Variants in COL24A1 observed in about 807,000 individuals in gnomAD.
COL24A1 encodes the protein collagen alpha-1(XXIV) chain.
A neutral mutation model predicts 253.9 loss-of-function variants in COL24A1; 224 were observed. That is an observed-to-expected ratio of 0.88 (90% CI 0.79 to 0.99). The LOEUF is 0.99. Ranked by LOEUF, COL24A1 falls within the 50% of genes least tolerant of loss-of-function variation. The pLI is 0.00. For missense variants in COL24A1, 2,131 were observed against 2,068.5 expected (o/e 1.03, Z -0.59); for synonymous variants, 685 against 673.7 (o/e 1.02, Z -0.26).
intron 28 of COL24A1, among the ~76,000 whole-genome samples, chr1:85,900,287 G>T (rs1684148514): frequency 6.6e-6 from 1 of 152,084 alleles, no homozygotes; most frequent in Admixed American, 6.6e-5. Context: ...AGGCTAAATA[G>T]CCAAAGTAAT....
intron 43 of COL24A1, among the ~76,000 whole-genome samples, chr1:85,835,649 G>A (rs1161040574): frequency 6.6e-6 from 1 of 152,052 alleles, no homozygotes; most frequent in Non-Finnish European, 1.5e-5. Flanking sequence ...CACTGTGCCA[G>A]ACACAAAAGG....
At chr1:86,036,640 C>A (rs549038932) in intron 12 of COL24A1, among the ~76,000 whole-genome samples, 1 of 152,164 alleles carries the variant, frequency 6.6e-6, no homozygotes, top group East Asian at 1.9e-4. Context: ...GTTCTATATT[C>A]TTTTAATCAT....
chr1:86,063,383 T>G (rs12723246), intron 8 of COL24A1, among the ~76,000 whole-genome samples: 14,128 of 144,302 alleles, frequency 0.098, 776 homozygotes, highest in Middle Eastern at 0.22. Flanking sequence ...GTGTGTGTGT[T>G]TGTATGTGTA....
intron 52 of COL24A1, 100 bp downstream of exon 52, chr1:85,781,120 T>C (rs930346577): frequency 3.3e-5 from 29 of 874,828 alleles, no homozygotes; most frequent in Non-Finnish European, 4.1e-5. Context: ...ATTTTTTCCA[T>C]TTTCTTCTCA....
At chr1:86,091,517 A>G (rs182134609) in intron 6 of COL24A1, among the ~76,000 whole-genome samples, 3 of 152,206 alleles carry the variant, frequency 2.0e-5, no homozygotes, top group South Asian at 4.1e-4. Context: ...AACACATCCC[A>G]TAATTATATT....
chr1:85,992,068 T>C (rs61783481), intron 19 of COL24A1, among the ~76,000 whole-genome samples: 54,404 of 150,742 alleles, frequency 0.36, 11,173 homozygotes, highest in Non-Finnish European at 0.46. Context: ...GCTATCCCTC[T>C]CCACTCCCCC....
At chr1:85,748,573 C>T (rs922643238) in intron 55 of COL24A1, among the ~76,000 whole-genome samples, 2 of 151,588 alleles carry the variant, frequency 1.3e-5, no homozygotes, top group African/African-American at 4.8e-5. Flanking sequence ...CAGCTCCCAG[C>T]GTGAGCCACG....
chr1:85,838,178 A>G (rs1676221071), intron 43 of COL24A1, among the ~76,000 whole-genome samples: 1 of 121,026 alleles, frequency 8.3e-6, no homozygotes, highest in African/African-American at 3.5e-5. Context: ...AATGAGAGAC[A>G]AGATTTTTTT....
Position 85,943,865 on chromosome 1 carries a change from A to G in COL24A1, c.2562+17384T>C, listed in dbSNP as rs546434754. On this transcript the variant is annotated intron_variant, in intron 24 of 59. Coordinates refer to ENST00000370571, the MANE Select transcript of COL24A1 (RefSeq NM_152890.7). Reference sequence around the variant, plus strand: ...GCGCTATGTATTTCAGCTTCATATCATTCCAGACTGGAAGTATAAATTATG... The same window carrying G: ...GCGCTATGTATTTCAGCTTCATATCGTTCCAGACTGGAAGTATAAATTATG... Among the ~76,000 whole-genome samples the G allele has an allele frequency of 5.5e-4, 83 of 152,234 alleles. 1 individual carries two copies. Among genetic ancestry groups the G allele is most frequent in the Non-Finnish European group, 1.2e-4 (8 of 68,028 alleles).
chr1:86,021,634 T>A (rs1697549070), intron 18 of COL24A1, among the ~76,000 whole-genome samples: 1 of 151,888 alleles, frequency 6.6e-6, no homozygotes, highest in African/African-American at 2.4e-5. Flanking sequence ...TCAGCAAATG[T>A]TAGCTATAAT....
chr1:85,739,327 T>C (rs1003494922), intron 57 of COL24A1, among the ~76,000 whole-genome samples: 2 of 152,144 alleles, frequency 1.3e-5, no homozygotes, highest in Non-Finnish European at 2.9e-5. Context: ...TGAATTCAGG[T>C]GTTATATTCT....
At chr1:86,002,753 T>G (rs1364096648) in intron 19 of COL24A1, among the ~76,000 whole-genome samples, 4 of 152,190 alleles carry the variant, frequency 2.6e-5, no homozygotes, top group African/African-American at 9.7e-5. Flanking sequence ...TGGCCAATTT[T>G]CTGAAGATTT....
chr1:85,868,276 C>T (rs1680010737), intron 37 of COL24A1, among the ~76,000 whole-genome samples: 1 of 152,162 alleles, frequency 6.6e-6, no homozygotes, highest in African/African-American at 2.4e-5. Flanking sequence ...CAACATAAAA[C>T]ATTCCTTTAT....
At chr1:85,783,681 T>C in intron 50 of COL24A1, 123 bp from the exon 51 acceptor site, 1 of 854,258 alleles carries the variant, frequency 1.2e-6, no homozygotes, top group Non-Finnish European at 1.9e-6. Context: ...TTGTGCATGC[T>C]GAAGAATTCA....
intron 47 of COL24A1, among the ~76,000 whole-genome samples, chr1:85,789,484 A>G (rs1032945737): frequency 6.6e-6 from 1 of 152,142 alleles, no homozygotes; most frequent in Admixed American, 6.6e-5. Flanking sequence ...TTTTCTAGAT[A>G]TAGGATCATT....
intron 6 of COL24A1, among the ~76,000 whole-genome samples, chr1:86,089,744 C>T (rs1284970455): frequency 2.0e-5 from 3 of 152,114 alleles, no homozygotes; most frequent in Non-Finnish European, 2.9e-5. Flanking sequence ...CACTTGAACC[C>T]GGGAGGCAGA....
chr1:86,023,605 T>C (rs1571638499), intron 14 of COL24A1, among the ~76,000 whole-genome samples: 1 of 152,090 alleles, frequency 6.6e-6, no homozygotes, highest in Non-Finnish European at 1.5e-5. Flanking sequence ...TACGAGACAC[T>C]GTTGAAGAAA....
intron 24 of COL24A1, among the ~76,000 whole-genome samples, chr1:85,926,949 C>T (rs566964023): frequency 5.3e-5 from 8 of 152,240 alleles, no homozygotes; most frequent in South Asian, 4.1e-4. Flanking sequence ...GAAGGATGAA[C>T]ATTAAGACAA....
intron 45 of COL24A1, among the ~76,000 whole-genome samples, chr1:85,820,585 C>A (rs1341995394): frequency 6.6e-6 from 1 of 152,302 alleles, no homozygotes; most frequent in Non-Finnish European, 1.5e-5. Flanking sequence ...CAGATGATGA[C>A]TGAAGACTAA....
Sources: allele counts gnomAD v4.1 joint callset (sites outside exome capture counted in the v4.1 genomes callset), GRCh38; gene constraint gnomAD v4.1.1; transcripts MANE v1.5; gene names NCBI Gene and HGNC (gene_info 2026-07-23, HGNC 2026-07-21).